WDR3: variants seen among roughly 807,000 people sequenced by gnomAD.
The protein encoded by WDR3 is WD repeat domain 3.
In WDR3, 81 loss-of-function variants were observed where a neutral mutation model predicts 123.7. That is an observed-to-expected ratio of 0.65 (90% confidence interval 0.55 to 0.79). The LOEUF is 0.79. Ranked by LOEUF, WDR3 falls within the 30% of genes least tolerant of loss-of-function variation. The probability of loss-of-function intolerance (pLI) is 0.00; values close to 1 mark genes in which losing one functional copy is unlikely to be tolerated. For missense variants in WDR3, 1,027 were observed against 1,123.2 expected (o/e 0.91, Z 1.22); for synonymous variants, 390 against 388.8 (o/e 1.00, Z -0.04).
intron 25 of WDR3, among the ~76,000 whole-genome samples, chr1:117,957,441 A>G (rs1300863601): frequency 6.6e-6 from 1 of 152,220 alleles, no homozygotes; most frequent in Non-Finnish European, 1.5e-5. Context: ...TCTTTAAGTA[A>G]GAAGTCATGG....
chr1:117,953,550 A>T lies in WDR3; in HGVS notation c.2268+9A>T. ...TTGAAACAGTGAAAGCAGTAAGTTG[A>T]TATAGAATGTGGTATCTCGTTTTTT... On this transcript the variant is annotated intron_variant, in intron 21 of 26. Coordinates refer to ENST00000349139, the MANE Select transcript of WDR3 (RefSeq NM_006784.3). 1 of 1,611,366 alleles carries T rather than the reference A, an allele frequency of 6.2e-7. No individual in the cohort carries two copies. Among genetic ancestry groups the T allele is most frequent in the Non-Finnish European group, 8.5e-7 (1 of 1,178,334 alleles).
intron 12 of WDR3, among the ~76,000 whole-genome samples, chr1:117,946,511 A>G (rs1651386826): frequency 1.3e-5 from 2 of 152,180 alleles, no homozygotes; most frequent in African/African-American, 4.8e-5. Flanking sequence ...TAAGTACCTA[A>G]TATCATGCTT....
intron 12 of WDR3, among the ~76,000 whole-genome samples, chr1:117,947,027 A>G (rs1264776274): frequency 6.6e-6 from 1 of 151,764 alleles, no homozygotes; most frequent in Non-Finnish European, 1.5e-5. Context: ...GGATGACGAC[A>G]CTTGCTTTTT....
chr1:117,966,538 C>A lies in WDR3; in HGVS notation c.*7091C>A. On this transcript the variant is annotated 3_prime_UTR_variant, in exon 27 of 27. Coordinates refer to ENST00000349139, the MANE Select transcript of WDR3 (RefSeq NM_006784.3). ...TTAATAAAGTAGAGATGCATTTTGA[C>A]TTCCATGTTTTCCTCACTCGTGTAA... 7.5e-7 allele frequency: 1 copy of A among 1,341,752 alleles called. No homozygotes were observed. The highest frequency in any genetic ancestry group is 1.9e-5 in the South Asian group (1 of 52,960). The allele number at this position is 1,341,752 out of a possible 1,614,324, so 83.1% of individuals were successfully genotyped here. A position where few individuals can be genotyped will look rare whatever the true frequency, so the allele number is the denominator to read the frequency against.
At position 117,933,081 on chromosome 1, in the gene WDR3, G is replaced by A. The variant is rs148666020; in HGVS notation, c.-32-207G>A. On this transcript the variant is annotated intron_variant, in intron 1 of 26. Coordinates refer to ENST00000349139, the MANE Select transcript of WDR3 (RefSeq NM_006784.3). Reference sequence around the variant, plus strand: ...TAGCCGGGTATGGTGGCACATGCCTGTAGTCCCAGCTACTCGGGAGGCTGA... The same window carrying A: ...TAGCCGGGTATGGTGGCACATGCCTATAGTCCCAGCTACTCGGGAGGCTGA... Among the ~76,000 whole-genome samples, 485 of 151,514 alleles carry A rather than the reference G, an allele frequency of 3.2e-3. 3 individuals carry two copies. Among genetic ancestry groups the A allele is most frequent in the African/African-American group, 0.011 (469 of 41,262 alleles).
Position 117,963,781 on chromosome 1 carries a change from A to G in WDR3, c.*4334A>G, listed in dbSNP as rs767486430. 3 of 1,595,658 alleles carry G rather than the reference A, an allele frequency of 1.9e-6. No individual in the cohort carries two copies. Among genetic ancestry groups the G allele is most frequent in the African/African-American group, 2.7e-5 (2 of 74,104 alleles). On this transcript the variant is annotated 3_prime_UTR_variant, in exon 27 of 27. Transcript: ENST00000349139. ...TTGAATGCTTGACAATCAAATTCCC[A>G]TTTATTACTTACTGTACCTAATGTG...
rs35094302 is a variant in WDR3, at chr1:117,962,546, GAAAAAAA to G, written c.*3107_*3113del. ...CTGGGCAACAGAGCCAGACTCCATT[GAAAAAAA>G]AAAAAAAGGCTCTTGAATGATGTAT... On this transcript the variant is annotated 3_prime_UTR_variant, in exon 27 of 27. Coordinates refer to ENST00000349139, the MANE Select transcript of WDR3 (RefSeq NM_006784.3). The G allele has an allele frequency of 2.5e-5, 3 of 120,656 alleles. No homozygotes were observed. The highest frequency in any genetic ancestry group is 8.5e-5 in the Admixed American group (1 of 11,762). The allele number at this position is 120,656 out of a possible 1,614,324, so 7.5% of individuals were successfully genotyped here. A position where few individuals can be genotyped will look rare whatever the true frequency, so the allele number is the denominator to read the frequency against.
chr1:117,958,446 G>A (rs368707514), intron 25 of WDR3, among the ~76,000 whole-genome samples: 12 of 152,186 alleles, frequency 7.9e-5, no homozygotes, highest in East Asian at 7.7e-4. Context: ...TTATGGATGG[G>A]TACTACCTGA....
At chr1:117,944,827 G>A (rs1212394445) in intron 11 of WDR3, among the ~76,000 whole-genome samples, 1 of 151,958 alleles carries the variant, frequency 6.6e-6, no homozygotes, top group East Asian at 1.9e-4. Flanking sequence ...TCAGCCTCCC[G>A]AGTAGCTGGG....
chr1:117,956,814 AT>A (rs1245682911), intron 24 of WDR3, among the ~76,000 whole-genome samples: 1 of 152,196 alleles, frequency 6.6e-6, no homozygotes, highest in Non-Finnish European at 1.5e-5. Context: ...CTTTGGAGAT[AT>A]TGTTTATCTG....
rs778159309 is a variant in WDR3, at chr1:117,941,114, T to G, written c.790-10T>G. On this transcript the variant is annotated splice_polypyrimidine_tract_variant and intron_variant, in intron 7 of 26. Transcript: ENST00000349139. ...CATCTAACCTTCATCTGCTCTTGCT[T>G]CTTCTGTAGCGAATCCTTTCATGCA... The G allele has an allele frequency of 1.2e-6, 2 of 1,614,046 alleles. No individual in the cohort carries two copies. Among genetic ancestry groups the G allele is most frequent in the Non-Finnish European group, 1.7e-6 (2 of 1,179,964 alleles).
chr1:117,953,401 G>T lies in WDR3; in HGVS notation c.2203-75G>T. ...AAATAATAATAGCTGTTCTCATATGGATGTAAGATTAATTTATCAGCTCTT... is the reference window on the plus strand; with the variant it reads ...AAATAATAATAGCTGTTCTCATATGTATGTAAGATTAATTTATCAGCTCTT... On this transcript the variant is annotated intron_variant, in intron 20 of 26. Transcript: ENST00000349139. The T allele has an allele frequency of 3.6e-6, 5 of 1,395,472 alleles. No homozygotes were observed. The South Asian group carries it at 5.9e-5, about 17-fold the overall frequency. 86.4% of individuals were successfully genotyped at this position (1,395,472 alleles called of 1,614,324 possible).
chr1:117,933,449 T>G lies in WDR3; in HGVS notation c.130T>G (p.Cys44Gly). ...EKGRYVAVPACEHVFIWDLRK... is the reference protein window; with the variant it reads ...EKGRYVAVPAGEHVFIWDLRK... Reference sequence around the variant, plus strand: ...AGGACGTTATGTGGCAGTACCAGCTTGTGAACACGTTTTCATCTGGGACTT... The same window carrying G: ...AGGACGTTATGTGGCAGTACCAGCTGGTGAACACGTTTTCATCTGGGACTT... Residue 44 changes from cysteine (C) to glycine (G), a missense_variant, in exon 2 of 27, where the codon TGT becomes GGT. By Grantham distance (159) the Cys-to-Gly change is radical (BLOSUM62 -3). Transcript: ENST00000349139. 1 of 1,614,186 alleles carries G rather than the reference T, an allele frequency of 6.2e-7. No individual in the cohort carries two copies. Among genetic ancestry groups the G allele is most frequent in the Non-Finnish European group, 8.5e-7 (1 of 1,180,034 alleles).
At chr1:117,949,144 G>C (rs1255001339) in intron 13 of WDR3, among the ~76,000 whole-genome samples, 1 of 152,132 alleles carries the variant, frequency 6.6e-6, no homozygotes, top group Non-Finnish European at 1.5e-5. Flanking sequence ...ACAGCTGTGA[G>C]TCTAAAATAG....
At chr1:117,940,982 T>C (rs754384295) in intron 7 of WDR3, 42 bp downstream of exon 7, 3 of 1,591,052 alleles carry the variant, frequency 1.9e-6, no homozygotes, top group Non-Finnish European at 2.6e-6. Flanking sequence ...TGTTGAATAA[T>C]GGGAAAGTAA....
Position 117,946,071 on chromosome 1 carries a change from T to G in WDR3, c.1329-15T>G. On this transcript the variant is annotated splice_polypyrimidine_tract_variant and intron_variant, in intron 11 of 26. Transcript: ENST00000349139. ...ATTCTCTTAACATGAGTTCTTTATT[T>G]TTTCTTTCTCATAGGTCTACACTGC... 1.9e-6 allele frequency: 3 copies of G among 1,585,772 alleles called. No individual in the cohort carries two copies. The highest frequency in any genetic ancestry group is 3.5e-5 in the Admixed American group (2 of 56,362).
intron 25 of WDR3, among the ~76,000 whole-genome samples, chr1:117,958,707 A>C (rs1263513001): frequency 6.6e-6 from 1 of 151,758 alleles, no homozygotes; most frequent in Non-Finnish European, 1.5e-5. Flanking sequence ...AAGGTTTAGG[A>C]CAGTATTTTT....
At chr1:117,955,121 A>G (rs1047957875) in intron 23 of WDR3, 194 bp from the exon 24 acceptor site, 4 of 475,760 alleles carry the variant, frequency 8.4e-6, no homozygotes, top group African/African-American at 8.0e-5. Flanking sequence ...GACTTGTAGC[A>G]TAGTTGGTAA....
chr1:117,954,678 A>G (rs1371259280), intron 23 of WDR3, 51 bp downstream of exon 23: 3 of 1,548,344 alleles, frequency 1.9e-6, no homozygotes, highest in Non-Finnish European at 2.7e-6. Flanking sequence ...GGTTACTTAC[A>G]AGGACAAGAA....
Sources: allele counts gnomAD v4.1 joint callset (sites outside exome capture counted in the v4.1 genomes callset), GRCh38; gene constraint gnomAD v4.1.1; transcripts MANE v1.5; gene names NCBI Gene and HGNC (gene_info 2026-07-23, HGNC 2026-07-21).